TNR: variants seen among roughly 807,000 people sequenced by gnomAD.
TNR encodes tenascin R.
Under a neutral mutation model 150.4 loss-of-function variants are expected in TNR, and 45 were observed. The observed-to-expected ratio is 0.30, with a 90% CI of 0.24 to 0.38. The LOEUF (loss-of-function observed/expected upper bound fraction) is 0.38, where lower values mean the gene tolerates loss of function less well. Ranked by LOEUF, TNR falls within the 10% of genes least tolerant of loss-of-function variation. The pLI is 1.00. For synonymous variants in TNR, 687 were observed against 678.4 expected, an observed-to-expected ratio of 1.01 and a Z score of -0.20; for missense variants, 1,544 against 1,759.1, an observed-to-expected ratio of 0.88 and a Z score of 2.19.
Position 175,514,358 on chromosome 1 carries a change from C to T in TNR, c.-64+13911G>A, listed in dbSNP as rs564319298. Among the ~76,000 whole-genome samples, 143 of 152,334 alleles carry T rather than the reference C, an allele frequency of 9.4e-4. 2 individuals carry two copies. Among genetic ancestry groups the T allele is most frequent in the Admixed American group, 4.7e-3 (72 of 15,310 alleles). ...AAAATGCAAGAAAACATGTTCTCCC[C>T]GAGAGCCTCCAGAAAGAATGCAGCC... is the stretch of plus-strand genomic sequence containing the variant. On this transcript the variant is annotated intron_variant, in intron 2 of 22. Transcript: ENST00000367674.
chr1:175,658,496 C>T (rs755348297), intron 1 of TNR, among the ~76,000 whole-genome samples: 4 of 152,140 alleles, frequency 2.6e-5, no homozygotes, highest in East Asian at 3.9e-4. Context: ...ACCTCACCTT[C>T]GGCACAGCTG....
chr1:175,544,451 T>C (rs1660612611), intron 1 of TNR, among the ~76,000 whole-genome samples: 1 of 152,156 alleles, frequency 6.6e-6, no homozygotes, highest in African/African-American at 2.4e-5. Flanking sequence ...GATTTAAACA[T>C]TTGGGTTAAA....
chr1:175,545,226 G>A (rs774954371), intron 1 of TNR, among the ~76,000 whole-genome samples: 1 of 152,330 alleles, frequency 6.6e-6, no homozygotes, highest in South Asian at 2.1e-4. Flanking sequence ...GGTCAAAAGT[G>A]ACAGAGAGGT....
chr1:175,736,584 G>C (rs537036177), intron 1 of TNR, among the ~76,000 whole-genome samples: 43 of 152,180 alleles, frequency 2.8e-4, no homozygotes, highest in African/African-American at 1.0e-3. Flanking sequence ...GAGGGAAAGA[G>C]GGGATGTGTA....
chr1:175,605,988 A>T (rs950748951), intron 1 of TNR, among the ~76,000 whole-genome samples: 6 of 151,734 alleles, frequency 4.0e-5, no homozygotes, highest in Admixed American at 1.3e-4. Flanking sequence ...AAAAATCCTG[A>T]TACAAAGCTG....
chr1:175,502,042 T>C (rs1237976571), intron 2 of TNR, among the ~76,000 whole-genome samples: 2 of 152,176 alleles, frequency 1.3e-5, no homozygotes, highest in African/African-American at 4.8e-5. Context: ...GGAAGAAGTT[T>C]CTCCATTGAT....
intron 1 of TNR, among the ~76,000 whole-genome samples, chr1:175,630,338 T>G (rs1664287008): frequency 6.6e-6 from 1 of 152,198 alleles, no homozygotes; most frequent in Admixed American, 6.5e-5. Context: ...AATAGAAACT[T>G]TCCTGAAATC....
intron 1 of TNR, among the ~76,000 whole-genome samples, chr1:175,597,657 T>TA (rs1265172053): frequency 6.6e-6 from 1 of 152,148 alleles, no homozygotes; most frequent in African/African-American, 2.4e-5. Flanking sequence ...CCTATTGGTT[T>TA]GGAATATTCT....
chr1:175,429,552 A>C (rs1401700743), intron 2 of TNR, among the ~76,000 whole-genome samples: 4 of 152,262 alleles, frequency 2.6e-5, no homozygotes, highest in Non-Finnish European at 5.9e-5. Flanking sequence ...AGTAACTACT[A>C]CATGAAAATA....
chr1:175,331,911 A>T (rs910200707), intron 20 of TNR, among the ~76,000 whole-genome samples: 7 of 152,216 alleles, frequency 4.6e-5, no homozygotes, highest in Non-Finnish European at 1.0e-4. Context: ...TTCCTGTCCC[A>T]TTTGAGACTT....
At chr1:175,342,768 C>T (rs193199582) in intron 18 of TNR, among the ~76,000 whole-genome samples, 24 of 152,366 alleles carry the variant, frequency 1.6e-4, no homozygotes, top group Non-Finnish European at 3.2e-4. Flanking sequence ...CTCTGCAGAC[C>T]ACCTGCCTTC....
intron 21 of TNR, among the ~76,000 whole-genome samples, chr1:175,329,255 A>T (rs1649581549): frequency 6.6e-6 from 1 of 152,242 alleles, no homozygotes; most frequent in African/African-American, 2.4e-5. Context: ...AAGGGCCAAT[A>T]ATGCCAAGTA....
Position 175,509,902 on chromosome 1 carries a change from A to T in TNR, c.-64+18367T>A, listed in dbSNP as rs111332777. Among the ~76,000 whole-genome samples the T allele has an allele frequency of 9.2e-3, 1,399 of 152,098 alleles. 20 individuals carry two copies. The highest frequency in any genetic ancestry group is 0.032 in the African/African-American group (1,328 of 41,490). Reference sequence around the variant, plus strand: ...GAGACAGGCTTTATGGGGTGTGTGTATGTGTATGTGTTAAATTCTTTTCTA... The same window carrying T: ...GAGACAGGCTTTATGGGGTGTGTGTTTGTGTATGTGTTAAATTCTTTTCTA... On this transcript the variant is annotated intron_variant, in intron 2 of 22. Transcript: ENST00000367674.
intron 9 of TNR, among the ~76,000 whole-genome samples, chr1:175,372,131 C>T (rs555487448): frequency 5.3e-5 from 8 of 151,944 alleles, no homozygotes; most frequent in Non-Finnish European, 7.4e-5. Flanking sequence ...GTGTGATGCG[C>T]GGGCTACTCC....
intron 20 of TNR, among the ~76,000 whole-genome samples, chr1:175,331,051 T>TTCTC (rs1411037511): frequency 9.4e-6 from 1 of 106,702 alleles, no homozygotes; most frequent in Admixed American, 1.0e-4. Flanking sequence ...CTTTCTTTCT[T>TTCTC]TCTTTCTTTC....
chr1:175,640,141 A>C (rs1420945253), intron 1 of TNR, among the ~76,000 whole-genome samples: 1 of 152,240 alleles, frequency 6.6e-6, no homozygotes, highest in East Asian at 1.9e-4. Context: ...GTAATTCCAG[A>C]GATAGATCTT....
At chr1:175,681,144 G>A (rs868789209) in intron 1 of TNR, among the ~76,000 whole-genome samples, 1 of 152,150 alleles carries the variant, frequency 6.6e-6, no homozygotes, top group Non-Finnish European at 1.5e-5. Flanking sequence ...AAAGGCCAAG[G>A]GTGAGCCACC....
chr1:175,611,752 G>T (rs1291084378), intron 1 of TNR, among the ~76,000 whole-genome samples: 1 of 152,040 alleles, frequency 6.6e-6, no homozygotes. Context: ...ATATATCCAG[G>T]GTTATTCTAG....
chr1:175,393,826 G>A lies in TNR; in HGVS notation c.1310C>T (p.Pro437Leu), dbSNP rs1218986349. 2 of 1,614,030 alleles carry A rather than the reference G, an allele frequency of 1.2e-6. No individual in the cohort carries two copies. The highest frequency in any genetic ancestry group is 8.5e-7 in the Non-Finnish European group (1 of 1,180,026). The stretch of plus-strand genomic sequence containing the variant: ...CCACCCATCGAAGGAAAATGAGAAG[G>A]GCTCCCACTGCACCTCCACGGTGGT... Reference protein sequence around the residue: ...TETTVEVQWEPFSFSFDGWEI... With the variant: ...TETTVEVQWELFSFSFDGWEI... Residue 437 changes from proline (P) to leucine (L), a missense_variant, in exon 6 of 23, where the codon CCC becomes CTC. This residue lies in a region of TNR where 1,254 missense variants were observed against 1,329.4 expected (regional missense o/e 0.94). Coordinates refer to ENST00000367674, the MANE Select transcript of TNR (RefSeq NM_003285.3).
Sources: allele counts gnomAD v4.1 joint callset (sites outside exome capture counted in the v4.1 genomes callset), GRCh38; gene constraint gnomAD v4.1.1; regional missense constraint gnomAD v4.1.1; transcripts MANE v1.5; gene names NCBI Gene and HGNC (gene_info 2026-07-23, HGNC 2026-07-21).